CANX: variants seen among roughly 807,000 people sequenced by gnomAD.
CANX encodes the protein calnexin, also known as epididymis secretory sperm binding protein.
A neutral mutation model predicts 75.7 loss-of-function variants in CANX; 14 were observed. That is an observed-to-expected ratio of 0.19 (90% confidence interval 0.12 to 0.29). CANX has a LOEUF of 0.29. Among genes scored for constraint, CANX ranks in the 10% least tolerant of loss-of-function variants. CANX has a pLI of 1.00. For missense variants in CANX, 567 were observed against 713.2 expected, an observed-to-expected ratio of 0.79 and a Z score of 2.34; for synonymous variants, 227 against 236.9, an observed-to-expected ratio of 0.96 and a Z score of 0.38.
chr5:179,697,423 A>T (rs1461085761), upstream of CANX, among the ~76,000 whole-genome samples: 1 of 152,154 alleles, frequency 6.6e-6, no homozygotes, highest in Non-Finnish European at 1.5e-5. Context: ...TCAGAATCCC[A>T]TTGAATTCTC....
intron 1 of CANX, among the ~76,000 whole-genome samples, chr5:179,682,270 A>G (rs1245460592): frequency 1.3e-5 from 2 of 149,648 alleles, no homozygotes; most frequent in Non-Finnish European, 3.0e-5. Context: ...AAAAAAAGGA[A>G]TGATTAAATT....
intron 9 of CANX, among the ~76,000 whole-genome samples, 155 bp downstream of exon 9, chr5:179,719,936 A>C (rs1327262065): frequency 6.6e-6 from 1 of 151,700 alleles, no homozygotes; most frequent in African/African-American, 2.4e-5. Flanking sequence ...ATTCTCCTCC[A>C]TCAGCCTTGC....
intron 5 of CANX, 64 bp downstream of exon 5, chr5:179,708,444 A>G: frequency 1.4e-6 from 2 of 1,437,020 alleles, no homozygotes; most frequent in Non-Finnish European, 1.9e-6. Context: ...ACATTATGTA[A>G]CTTTTACTCT....
At chr5:179,703,659 A>G (rs1437766287) in intron 1 of CANX, among the ~76,000 whole-genome samples, 1 of 127,822 alleles carries the variant, frequency 7.8e-6, no homozygotes, top group Non-Finnish European at 1.7e-5. Context: ...TTTTTTTTGT[A>G]TAGACAGGGT....
Position 179,684,919 on chromosome 5 carries a change from ATTTTGTATTTTTTT to A in CANX, c.-4+6147_-4+6160del, listed in dbSNP as rs1187995235. ...AGGCGTGTGCCACCACACCTGGCTAATTTTGTATTTTTTTTTTTTTTTTTTTTTTTTTTTTTTAC... is the reference window on the plus strand; with the variant it reads ...AGGCGTGTGCCACCACACCTGGCTAATTTTTTTTTTTTTTTTTTTTTTTAC... On this transcript the variant is annotated intron_variant, in intron 1 of 14. Coordinates refer to the CANX transcript ENST00000681674. 8.1e-3 allele frequency among the ~76,000 whole-genome samples: 775 copies of A among 95,248 alleles called. 7 individuals are homozygous for A. Among genetic ancestry groups the A allele is most frequent in the Non-Finnish European group, 0.01 (508 of 50,702 alleles). 62.5% of individuals were successfully genotyped at this position (95,248 alleles called of 152,430 possible). A position where few individuals can be genotyped will look rare whatever the true frequency, so the allele number is the denominator to read the frequency against.
In CANX at chr5:179,722,944, T is replaced by C; in HGVS notation, c.1323T>C (p.Cys441=). The change falls in exon 11 of 15, where the codon TGT becomes TGC. Residue 441 remains cysteine, a synonymous_variant. Coordinates refer to ENST00000247461, the MANE Select transcript of CANX (RefSeq NM_001746.4). The part of the protein sequence containing the change: ...SDIFFDNFII[C]ADRRIVDDWA... ...TTTTTTTTGACAACTTTATCATTTG[T>C]GCTGATCGAAGAATAGTTGATGATT... The C allele has an allele frequency of 1.2e-6, 2 of 1,614,168 alleles. No homozygotes were observed. The highest frequency in any genetic ancestry group is 1.1e-5 in the South Asian group (1 of 91,090).
intron 1 of CANX, among the ~76,000 whole-genome samples, chr5:179,691,275 T>A (rs1190482145): frequency 6.6e-6 from 1 of 152,116 alleles, no homozygotes; most frequent in East Asian, 1.9e-4. Context: ...TCCACCCACC[T>A]CAGCCTCCCA....
At position 179,706,347 on chromosome 5, in the gene CANX, A is replaced by C; in HGVS notation, c.245+16A>C. The C allele has an allele frequency of 7.1e-7, 1 of 1,408,800 alleles. No homozygotes were observed. Among genetic ancestry groups the C allele is most frequent in the Non-Finnish European group, 1.0e-6 (1 of 1,000,336 alleles). 87.3% of individuals were successfully genotyped at this position (1,408,800 alleles called of 1,614,324 possible). A position where few individuals can be genotyped will look rare whatever the true frequency, so the allele number is the denominator to read the frequency against. ...CTCTGTCAGGGTAAGTGTTTTCCAG[A>C]GAAATATATGTTAGAGGCAGACATG... On this transcript the variant is annotated intron_variant, in intron 3 of 14. Transcript: ENST00000247461.
chr5:179,708,897 T>C, intron 5 of CANX, 81 bp from the exon 6 acceptor site: 1 of 739,312 alleles, frequency 1.4e-6, no homozygotes, highest in Non-Finnish European at 2.5e-6. Context: ...GTGACTAAGA[T>C]GAGGGAGAGA....
At chr5:179,707,409 C>T (rs1248588744) in intron 4 of CANX, among the ~76,000 whole-genome samples, 3 of 151,936 alleles carry the variant, frequency 2.0e-5, no homozygotes, top group Admixed American at 6.6e-5. Flanking sequence ...ACAGTGAAAC[C>T]CCGTCTCTAC....
At chr5:179,679,381 T>G in intron 1 of CANX, 1 of 886,634 alleles carries the variant, frequency 1.1e-6, no homozygotes, top group Non-Finnish European at 1.7e-6. Flanking sequence ...TCTCACCAGC[T>G]GCTGGCCACC....
intron 1 of CANX, among the ~76,000 whole-genome samples, chr5:179,701,892 A>G (rs532873691): frequency 6.6e-6 from 1 of 151,526 alleles, no homozygotes; most frequent in Admixed American, 6.6e-5. Flanking sequence ...GGTGCCCACC[A>G]CCACACCCGG....
intron 8 of CANX, among the ~76,000 whole-genome samples, chr5:179,718,638 C>T (rs1398539306): frequency 6.6e-6 from 1 of 152,192 alleles, no homozygotes; most frequent in Non-Finnish European, 1.5e-5. Context: ...AAGTGATTCT[C>T]CTGCCTCAGC....
At chr5:179,698,734 T>C (rs1027371190), upstream of CANX, 26 of 701,434 alleles carry the variant, frequency 3.7e-5, no homozygotes, top group Non-Finnish European at 5.3e-5. Flanking sequence ...GGCCCGCCCC[T>C]CACCTCCCGC....
At chr5:179,715,966 A>C in intron 7 of CANX, 139 bp from the exon 8 acceptor site, 1 of 719,494 alleles carries the variant, frequency 1.4e-6, no homozygotes, top group Non-Finnish European at 2.5e-6. Flanking sequence ...CCAAGACCCC[A>C]GGAGCCAGGC....
chr5:179,720,255 A>G, intron 9 of CANX, 149 bp from the exon 10 acceptor site: 1 of 473,438 alleles, frequency 2.1e-6, no homozygotes, highest in Admixed American at 3.8e-5. Flanking sequence ...ATTTTTCCTG[A>G]AAAACTGTTA....
intron 13 of CANX, 99 bp from the exon 14 acceptor site, chr5:179,726,576 CAAAAA>C: frequency 5.1e-5 from 26 of 511,466 alleles, no homozygotes; most frequent in Admixed American, 8.9e-5. Context: ...ACTCTGTCTC[CAAAAA>C]AAAAAAAAAA....
At chr5:179,703,278 C>T (rs1440815769) in intron 1 of CANX, among the ~76,000 whole-genome samples, 3 of 148,742 alleles carry the variant, frequency 2.0e-5, no homozygotes, top group Non-Finnish European at 3.0e-5. Flanking sequence ...AGTGCAGTGG[C>T]GCCATCTCGG....
At chr5:179,720,101 G>C (rs1295005131) in intron 9 of CANX, among the ~76,000 whole-genome samples, 1 of 152,136 alleles carries the variant, frequency 6.6e-6, no homozygotes, top group Non-Finnish European at 1.5e-5. Flanking sequence ...AAAGTGCTGG[G>C]ATTACAGGCG....
Sources: allele counts gnomAD v4.1 joint callset (sites outside exome capture counted in the v4.1 genomes callset), GRCh38; gene constraint gnomAD v4.1.1; transcripts MANE v1.5; gene names NCBI Gene and HGNC (gene_info 2026-07-23, HGNC 2026-07-21).